SGCZ: variants seen among roughly 807,000 people sequenced by gnomAD.
SGCZ encodes sarcoglycan zeta.
A neutral mutation model predicts 41.3 loss-of-function variants in SGCZ; 40 were observed. The observed-to-expected ratio is 0.97, with a 90% CI of 0.75 to 1.26. The LOEUF is 1.26. Among genes scored for constraint, SGCZ ranks in the 50% most tolerant of loss-of-function variants. SGCZ has a pLI of 0.00. For synonymous variants in SGCZ, 206 were observed against 137.5 expected, an observed-to-expected ratio of 1.50 and a Z score of -3.49; for missense variants, 552 against 369.8, an observed-to-expected ratio of 1.49 and a Z score of -4.04.
chr8:14,230,068 T>A (rs185300662), intron 4 of SGCZ, among the ~76,000 whole-genome samples: 3 of 152,148 alleles, frequency 2.0e-5, no homozygotes, highest in Non-Finnish European at 4.4e-5. Flanking sequence ...TACGTGCCTA[T>A]GCTCTATGGC....
chr8:15,019,026 C>T (rs1476284292), intron 1 of SGCZ, among the ~76,000 whole-genome samples: 1 of 152,172 alleles, frequency 6.6e-6, no homozygotes, highest in Admixed American at 6.6e-5. Flanking sequence ...TTTTAAACAA[C>T]TAGATCTCAT....
chr8:14,611,644 A>C (rs955926068), intron 1 of SGCZ, among the ~76,000 whole-genome samples: 11 of 152,188 alleles, frequency 7.2e-5, no homozygotes, highest in African/African-American at 2.7e-4. Context: ...TCTTGACAGA[A>C]GCCATAAGCC....
chr8:14,423,376 T>TGA (rs747025783), intron 2 of SGCZ, among the ~76,000 whole-genome samples: 7 of 152,214 alleles, frequency 4.6e-5, no homozygotes, highest in Non-Finnish European at 8.8e-5. Flanking sequence ...TCTTATCCAT[T>TGA]AAAAAATAAA....
chr8:14,704,174 C>G (rs568934606), intron 1 of SGCZ, among the ~76,000 whole-genome samples: 13 of 152,100 alleles, frequency 8.5e-5, no homozygotes, highest in African/African-American at 3.1e-4. Context: ...CATGGTCGTA[C>G]AGCTATGCAT....
At chr8:15,142,898 C>T (rs1334204324) in intron 1 of SGCZ, among the ~76,000 whole-genome samples, 1 of 152,164 alleles carries the variant, frequency 6.6e-6, no homozygotes, top group Non-Finnish European at 1.5e-5. Context: ...GCCTGAGCCA[C>T]CGTGCCCAGC....
chr8:14,715,216 T>C (rs1230297149), intron 1 of SGCZ, among the ~76,000 whole-genome samples: 1 of 152,040 alleles, frequency 6.6e-6, no homozygotes, highest in Admixed American at 6.6e-5. Context: ...ACAATGGAAA[T>C]CAAATCATCA....
chr8:14,175,371 A>T, intron 4 of SGCZ, among the ~76,000 whole-genome samples: 1 of 152,150 alleles, frequency 6.6e-6, no homozygotes, highest in Admixed American at 6.6e-5. Context: ...ATAGTGGAAA[A>T]ATATGAGTAG....
chr8:14,253,581 T>A (rs1799360143), intron 3 of SGCZ, among the ~76,000 whole-genome samples: 1 of 152,062 alleles, frequency 6.6e-6, no homozygotes, highest in African/African-American at 2.4e-5. Flanking sequence ...TATCCATATA[T>A]CTGTCTATGT....
chr8:14,285,236 T>C (rs17118975), intron 3 of SGCZ, among the ~76,000 whole-genome samples: 80,976 of 151,970 alleles, frequency 0.53, 24,148 homozygotes, highest in Non-Finnish European at 0.68. Flanking sequence ...TTCATTCTTC[T>C]GGAGGCTTCA....
At chr8:14,935,837 G>T (rs888055240) in intron 1 of SGCZ, among the ~76,000 whole-genome samples, 2 of 151,546 alleles carry the variant, frequency 1.3e-5, no homozygotes, top group Admixed American at 6.6e-5. Context: ...CATATAAAGG[G>T]ACCCTGCTAA....
intron 1 of SGCZ, among the ~76,000 whole-genome samples, chr8:14,696,590 T>C (rs1808970867): frequency 6.6e-6 from 1 of 152,152 alleles, no homozygotes; most frequent in African/African-American, 2.4e-5. Flanking sequence ...TTCTTTTTGA[T>C]GGCCTTTTAT....
chr8:14,214,623 T>G (rs1276530044), intron 4 of SGCZ, among the ~76,000 whole-genome samples: 1 of 152,140 alleles, frequency 6.6e-6, no homozygotes, highest in Admixed American at 6.6e-5. Context: ...CTATATTGTT[T>G]ATGAGAAAAT....
chr8:15,070,563 G>A (rs7819346), intron 1 of SGCZ, among the ~76,000 whole-genome samples: 21,109 of 152,092 alleles, frequency 0.14, 1,841 homozygotes, highest in African/African-American at 0.25. Context: ...TAACGAGTAA[G>A]AATTGCATAG....
At chr8:14,290,248 T>C (rs1465839757) in intron 3 of SGCZ, among the ~76,000 whole-genome samples, 1 of 151,944 alleles carries the variant, frequency 6.6e-6, no homozygotes, top group African/African-American at 2.4e-5. Flanking sequence ...GAAGGAAACA[T>C]AGAGGGAAAT....
Position 14,886,012 on chromosome 8 carries a change from T to TAA in SGCZ, c.40-331087_40-331086insTT, listed in dbSNP as rs1183283581. ...ATATATATATATATATATATATATA[T>TAA]ATATATATATATATATATATATAAA... is the stretch of plus-strand genomic sequence containing the variant. On this transcript the variant is annotated intron_variant, in intron 1 of 7. Transcript: ENST00000382080. 2.5e-3 allele frequency among the ~76,000 whole-genome samples: 307 copies of TAA among 121,194 alleles called. 4 individuals carry two copies. The highest frequency in any genetic ancestry group is 3.9e-3 in the Non-Finnish European group (219 of 56,382). The allele number at this position is 121,194 out of a possible 152,430, so 79.5% of individuals were successfully genotyped here. A position where few individuals can be genotyped will look rare whatever the true frequency, so the allele number is the denominator to read the frequency against.
At chr8:14,886,209 C>A (rs1178934819) in intron 1 of SGCZ, among the ~76,000 whole-genome samples, 2 of 151,408 alleles carry the variant, frequency 1.3e-5, no homozygotes, top group Non-Finnish European at 2.9e-5. Context: ...TCTTAGCATA[C>A]TTCATTTCAA....
chr8:14,410,711 G>A lies in SGCZ; in HGVS notation c.235-86507C>T, dbSNP rs565190953. 2.6e-5 allele frequency among the ~76,000 whole-genome samples: 4 copies of A among 152,150 alleles called. No homozygotes were observed. In the South Asian group the frequency reaches 8.3e-4, roughly 32 times the overall value. On this transcript the variant is annotated intron_variant, in intron 2 of 7. Transcript: ENST00000382080. ...TTGATAGCTGCAGCAAACCCCCATG[G>A]CACATGTATGCCTGTGTAATAAACC...
chr8:14,621,903 T>A lies in SGCZ; in HGVS notation c.40-66977A>T, dbSNP rs188439684. On this transcript the variant is annotated intron_variant, in intron 1 of 7. Coordinates refer to ENST00000382080, the MANE Select transcript of SGCZ (RefSeq NM_139167.4). ...GTCTCTCCTCTGTCATACACTTATA[T>A]CTATAGAATAAGTAGGATCTCTCCC... is the stretch of plus-strand genomic sequence containing the variant. 8.9e-4 allele frequency among the ~76,000 whole-genome samples: 135 copies of A among 152,186 alleles called. No individual in the cohort carries two copies. In the East Asian group the frequency reaches 0.022, roughly 25 times the overall value.
intron 5 of SGCZ, among the ~76,000 whole-genome samples, chr8:14,133,284 T>C (rs1157724297): frequency 6.6e-6 from 1 of 152,240 alleles, no homozygotes; most frequent in Non-Finnish European, 1.5e-5. Flanking sequence ...TGTTTGCTCC[T>C]GATCCATTAA....
Sources: gnomAD v4.1 joint callset for allele counts (sites outside exome capture counted in the v4.1 genomes callset) on GRCh38, gnomAD v4.1.1 for gene constraint, MANE v1.5 for transcripts, NCBI Gene and HGNC (gene_info 2026-07-23, HGNC 2026-07-21) for gene names.